CFAP100: variants seen among roughly 807,000 people sequenced by gnomAD.
CFAP100 encodes the protein cilia- and flagella-associated protein 100.
CFAP100 carries 70 observed loss-of-function variants against 81.5 expected under a neutral mutation model. The ratio of observed to expected loss-of-function variants is 0.86; its 90% CI spans 0.71 to 1.05. CFAP100 has a LOEUF of 1.05. Ranked by LOEUF, CFAP100 falls within the 50% of genes least tolerant of loss-of-function variation. The pLI is 0.00. For missense variants in CFAP100, 811 were observed against 776.5 expected, an observed-to-expected ratio of 1.04 and a Z score of -0.53; for synonymous variants, 341 against 314.8, an observed-to-expected ratio of 1.08 and a Z score of -0.88.
chr3:126,434,543 TCA>T (rs1933369876), intron 15 of CFAP100, 162 bp downstream of exon 15: 1 of 614,082 alleles, frequency 1.6e-6, no homozygotes, highest in Non-Finnish European at 2.7e-6. Context: ...TAGAGGGGCA[TCA>T]CAGTCAAGTG....
intron 14 of CFAP100, chr3:126,433,864 A>C: frequency 2.9e-6 from 1 of 350,552 alleles, no homozygotes; most frequent in Non-Finnish European, 5.3e-6. Context: ...CAGAGAAGAC[A>C]TAGCCCTGTG....
Position 126,419,985 on chromosome 3 carries a change from G to C in CFAP100, c.919G>C (p.Gly307Arg). 6.2e-7 allele frequency: 1 copy of C among 1,613,098 alleles called. No individual in the cohort carries two copies. Reference protein sequence around the residue: ...VNSTPGDKGPGIKGKASSMWA... With the variant: ...VNSTPGDKGPRIKGKASSMWA... ...CCCCCCTTTGCTTCCTGCAGGACCA[G>C]GGATCAAGGGCAAGGCGAGCTCCAT... is the stretch of plus-strand genomic sequence containing the variant. Residue 307 changes from glycine (G) to arginine (R), a missense_variant, in exon 10 of 17, where the codon GGG becomes CGG. Physicochemically the swap from Gly to Arg is moderately radical, Grantham distance 125. Coordinates refer to ENST00000352312, the MANE Select transcript of CFAP100 (RefSeq NM_182628.3).
chr3:126,422,860 C>T (rs149770286), intron 11 of CFAP100, among the ~76,000 whole-genome samples: 4 of 152,224 alleles, frequency 2.6e-5, no homozygotes, highest in East Asian at 3.9e-4. Flanking sequence ...GCAGCGGAGC[C>T]GCAGGTGCAG....
intron 3 of CFAP100, 44 bp downstream of exon 3, chr3:126,407,296 C>T (rs777124574): frequency 1.8e-5 from 24 of 1,328,408 alleles, no homozygotes; most frequent in Non-Finnish European, 4.3e-6. Context: ...TGGCAGGAGG[C>T]AACTCCTCTC....
Position 126,433,133 on chromosome 3 carries a change from G to A in CFAP100, c.1351G>A (p.Glu451Lys), listed in dbSNP as rs899281460. Reference protein sequence around the residue: ...TTMMMSITKEEDTAAELELKA... With the variant: ...TTMMMSITKEKDTAAELELKA... ...AATGATGATGTCCATCACCAAGGAG[G>A]AGGACACAGCAGCTGAGCTGGAGCT... The change falls in exon 14 of 17, where the codon GAG becomes AAG. Residue 451 changes from glutamate to lysine, a missense_variant. Physicochemically the swap from Glu to Lys is moderately conservative, Grantham distance 56. Transcript: ENST00000352312. 2.5e-6 allele frequency: 4 copies of A among 1,614,074 alleles called. No homozygotes were observed. The African/African-American group carries it at 4.0e-5, about 16-fold the overall frequency.
In CFAP100 at chr3:126,420,241, C is replaced by G; in HGVS notation, c.1082+12C>G. On this transcript the variant is annotated intron_variant, in intron 11 of 16. Transcript: ENST00000352312. Reference sequence around the variant, plus strand: ...GGCGACTCCAGAGGGTGAGTGGGCTCGGGTGGTTGGGAGGGGCTGAGGCCT... The same window carrying G: ...GGCGACTCCAGAGGGTGAGTGGGCTGGGGTGGTTGGGAGGGGCTGAGGCCT... 2 of 1,611,270 alleles carry G rather than the reference C, an allele frequency of 1.2e-6. No individual in the cohort carries two copies. The highest frequency in any genetic ancestry group is 1.7e-6 in the Non-Finnish European group (2 of 1,179,730).
At chr3:126,405,340 T>C (rs1186803645) in intron 2 of CFAP100, among the ~76,000 whole-genome samples, 1 of 152,242 alleles carries the variant, frequency 6.6e-6, no homozygotes, top group Non-Finnish European at 1.5e-5. Context: ...TATAAGTGTA[T>C]GTGTGCATAA....
At chr3:126,401,403 A>T (rs1370672097) in intron 2 of CFAP100, among the ~76,000 whole-genome samples, 9 of 48,178 alleles carry the variant, frequency 1.9e-4, no homozygotes, top group African/African-American at 7.0e-4. Context: ...TATTTTATAT[A>T]TATATATATA....
In CFAP100 at chr3:126,434,228, G is replaced by A; in HGVS notation, c.1475G>A (p.Cys492Tyr). The stretch of plus-strand genomic sequence containing the variant: ...AAGGTGCTGGATGTGTACCGGCACT[G>A]CACCGGCACCCAGCAGGAGGCCAAC... ...NCKVLDVYRH[C>Y]TGTQQEANLG... Residue 492 changes from cysteine (C) to tyrosine (Y), a missense_variant, in exon 15 of 17, where the codon TGC (cysteine) becomes TAC (tyrosine). Transcript: ENST00000352312. 6.2e-7 allele frequency: 1 copy of A among 1,613,868 alleles called. No individual in the cohort carries two copies. Among genetic ancestry groups the A allele is most frequent in the Non-Finnish European group, 8.5e-7 (1 of 1,179,998 alleles).
At chr3:126,429,516 CTT>C (rs1332826852) in intron 13 of CFAP100, among the ~76,000 whole-genome samples, 1 of 151,846 alleles carries the variant, frequency 6.6e-6, no homozygotes, top group African/African-American at 2.4e-5. Context: ...TCACAGCTCT[CTT>C]GTTCTTCCTC....
chr3:126,419,255 G>GGT, intron 8 of CFAP100, 99 bp downstream of exon 8: 3 of 747,316 alleles, frequency 4.0e-6, no homozygotes, highest in Non-Finnish European at 6.6e-6. Flanking sequence ...TGAACCTCAT[G>GGT]GCTTTACCTC....
chr3:126,407,288 G>T, intron 3 of CFAP100, 36 bp downstream of exon 3: 1 of 1,474,282 alleles, frequency 6.8e-7, no homozygotes, highest in Non-Finnish European at 9.5e-7. Flanking sequence ...GTCCAAGTTG[G>T]CAGGAGGCAA....
chr3:126,432,390 A>C (rs1384244581), intron 13 of CFAP100, among the ~76,000 whole-genome samples: 2 of 152,158 alleles, frequency 1.3e-5, no homozygotes, highest in African/African-American at 4.8e-5. Flanking sequence ...AAACCTGCAC[A>C]TGAATGTTCA....
intron 11 of CFAP100, among the ~76,000 whole-genome samples, chr3:126,422,582 A>G (rs1360668104): frequency 6.6e-6 from 1 of 152,164 alleles, no homozygotes; most frequent in Non-Finnish European, 1.5e-5. Context: ...AGTGCAGGTG[A>G]GGTCCCCATC....
chr3:126,409,868 A>T (rs1417828053), intron 3 of CFAP100, among the ~76,000 whole-genome samples: 3 of 152,166 alleles, frequency 2.0e-5, no homozygotes, highest in Admixed American at 1.3e-4. Flanking sequence ...CACTCCTGGG[A>T]CTGCCTTTCA....
intron 3 of CFAP100, among the ~76,000 whole-genome samples, chr3:126,408,848 G>T (rs116465466): frequency 6.6e-6 from 1 of 152,114 alleles, no homozygotes; most frequent in African/African-American, 2.4e-5. Flanking sequence ...AGGTGCAGTC[G>T]TTCGATCACA....
At chr3:126,424,384 G>A (rs1285162599) in intron 13 of CFAP100, among the ~76,000 whole-genome samples, 1 of 152,236 alleles carries the variant, frequency 6.6e-6, no homozygotes, top group Non-Finnish European at 1.5e-5. Context: ...GGAAAATCCT[G>A]CCCTCCCAGT....
intron 2 of CFAP100, among the ~76,000 whole-genome samples, chr3:126,404,909 G>A (rs980384050): frequency 2.0e-5 from 3 of 152,152 alleles, no homozygotes; most frequent in South Asian, 2.1e-4. Context: ...TCCTGACCTC[G>A]TGATCCACCC....
At chr3:126,406,373 C>T (rs972961980) in intron 2 of CFAP100, among the ~76,000 whole-genome samples, 3 of 152,226 alleles carry the variant, frequency 2.0e-5, no homozygotes, top group East Asian at 1.9e-4. Context: ...CACACAGTCC[C>T]TCCCCCATCC....
Sources: allele counts gnomAD v4.1 joint callset (sites outside exome capture counted in the v4.1 genomes callset), GRCh38; gene constraint gnomAD v4.1.1; transcripts MANE v1.5; gene names NCBI Gene and HGNC (gene_info 2026-07-23, HGNC 2026-07-21).